The following PCDH9 variants were observed in gnomAD, a reference collection of about 807,000 sequenced individuals.
PCDH9 encodes protocadherin-9.
In PCDH9, 24 loss-of-function variants were observed where a neutral mutation model predicts 70.6. The ratio of observed to expected loss-of-function variants is 0.34; its 90% confidence interval spans 0.25 to 0.48. The LOEUF (loss-of-function observed/expected upper bound fraction) is 0.48. Among genes scored for constraint, PCDH9 ranks in the 20% least tolerant of loss-of-function variants. The probability of loss-of-function intolerance (pLI) is 0.99; values close to 1 mark genes in which losing one functional copy is unlikely to be tolerated. For missense variants in PCDH9, 1,281 were observed against 1,503.6 expected, an observed-to-expected ratio of 0.85 and a Z score of 2.45; for synonymous variants, 562 against 558.5, an observed-to-expected ratio of 1.01 and a Z score of -0.09.
intron 3 of PCDH9, among the ~76,000 whole-genome samples, chr13:66,890,974 T>C (rs76079796): frequency 0.021 from 3,192 of 152,196 alleles, 112 homozygotes; most frequent in African/African-American, 0.073. Flanking sequence ...CAATCCCCAG[T>C]TCCTGGCAAC....
intron 3 of PCDH9, among the ~76,000 whole-genome samples, chr13:66,787,524 G>T (rs1474447164): frequency 6.6e-6 from 1 of 151,912 alleles, no homozygotes; most frequent in African/African-American, 2.4e-5. Context: ...GTTGAGGCAG[G>T]AGAATTGCTT....
chr13:66,849,517 T>TATAGAGAGAG (rs1272589939), intron 3 of PCDH9, among the ~76,000 whole-genome samples: 62 of 63,570 alleles, frequency 9.8e-4, no homozygotes, highest in East Asian at 4.3e-3. Flanking sequence ...TATATATATA[T>TATAGAGAGAG]AGAGAGAGAG....
At chr13:66,722,873 C>T (rs1382140589) in intron 3 of PCDH9, among the ~76,000 whole-genome samples, 1 of 148,922 alleles carries the variant, frequency 6.7e-6, no homozygotes, top group Non-Finnish European at 1.5e-5. Flanking sequence ...GAGGCTGAGG[C>T]AGGAAAATTG....
intron 3 of PCDH9, among the ~76,000 whole-genome samples, chr13:66,789,279 T>C (rs747669617): frequency 1.1e-4 from 16 of 152,204 alleles, no homozygotes; most frequent in Admixed American, 5.9e-4. Context: ...GCCTAGGCTC[T>C]TAACCAGCAC....
At chr13:67,198,911 A>T (rs1019163098) in intron 2 of PCDH9, among the ~76,000 whole-genome samples, 1 of 151,790 alleles carries the variant, frequency 6.6e-6, no homozygotes, top group Non-Finnish European at 1.5e-5. Flanking sequence ...TTAAAGTATA[A>T]TTTTTTAAAA....
chr13:67,215,940 G>C (rs1023590598), intron 2 of PCDH9: 1 of 152,084 alleles, frequency 6.6e-6, no homozygotes, highest in Non-Finnish European at 1.5e-5. Flanking sequence ...CATACTTTAA[G>C]TAGTGGCATA....
intron 2 of PCDH9, among the ~76,000 whole-genome samples, chr13:66,981,151 AAGGT>A (rs1196074436): frequency 2.0e-5 from 3 of 152,210 alleles, no homozygotes; most frequent in African/African-American, 4.8e-5. Context: ...GAAATAGTAA[AAGGT>A]AGGCCGGTCG....
intron 3 of PCDH9, among the ~76,000 whole-genome samples, chr13:66,846,419 T>C (rs1481881255): frequency 5.3e-5 from 8 of 152,162 alleles, no homozygotes; most frequent in African/African-American, 1.9e-4. Context: ...ACTACCAACA[T>C]GTTGACCAGA....
chr13:66,854,170 A>G (rs1332241618), intron 3 of PCDH9, among the ~76,000 whole-genome samples: 1 of 152,120 alleles, frequency 6.6e-6, no homozygotes, highest in Non-Finnish European at 1.5e-5. Flanking sequence ...TTTGAACTTG[A>G]GCAGACATTG....
chr13:66,621,144 G>A (rs958948183), intron 4 of PCDH9, among the ~76,000 whole-genome samples: 3 of 152,156 alleles, frequency 2.0e-5, no homozygotes, highest in African/African-American at 7.2e-5. Context: ...TGATGTTTAT[G>A]ACCATTTGTC....
In PCDH9 at chr13:66,590,953, T is replaced by G. The variant is rs555230508; in HGVS notation, c.3340+40257A>C. Among the ~76,000 whole-genome samples, 49 of 151,684 alleles carry G rather than the reference T, an allele frequency of 3.2e-4. 1 individual carries two copies. The highest frequency in any genetic ancestry group is 1.2e-3 in the African/African-American group (49 of 41,374). ...TCAGTATCCAAATAAACCCAAAACA[T>G]GTGGTTCTGTAAAAATATGATTTTA... On this transcript the variant is annotated intron_variant, in intron 4 of 4. Coordinates refer to ENST00000377865, the MANE Select transcript of PCDH9 (RefSeq NM_203487.3).
chr13:66,566,863 A>T lies in PCDH9; in HGVS notation c.3340+64347T>A, dbSNP rs1466204466. On this transcript the variant is annotated intron_variant, in intron 4 of 4. Coordinates refer to ENST00000377865, the MANE Select transcript of PCDH9 (RefSeq NM_203487.3). ...CATTTAATTATATACCAAGAGTAAA[A>T]GATAGCATTTTAAATGTTAATGGAG... 2.0e-5 allele frequency among the ~76,000 whole-genome samples: 3 copies of T among 152,054 alleles called. No individual in the cohort carries two copies. In the East Asian group the frequency reaches 5.8e-4, roughly 29 times the overall value.
intron 4 of PCDH9, among the ~76,000 whole-genome samples, chr13:66,412,190 T>A (rs2138325661): frequency 6.6e-6 from 1 of 152,304 alleles, no homozygotes; most frequent in South Asian, 2.1e-4. Flanking sequence ...TTTTGAAGAT[T>A]TTGAAGAGTT....
At chr13:66,795,164 GA>G (rs1326391295) in intron 3 of PCDH9, among the ~76,000 whole-genome samples, 1 of 152,104 alleles carries the variant, frequency 6.6e-6, no homozygotes, top group Non-Finnish European at 1.5e-5. Context: ...CTTGGGACCA[GA>G]AGAGTTGTGT....
At chr13:66,836,141 A>C (rs1297990516) in intron 3 of PCDH9, among the ~76,000 whole-genome samples, 1 of 152,150 alleles carries the variant, frequency 6.6e-6, no homozygotes, top group Non-Finnish European at 1.5e-5. Context: ...AGTTGAAATA[A>C]AGTGTATATT....
intron 2 of PCDH9, among the ~76,000 whole-genome samples, chr13:67,115,971 T>G (rs1483580156): frequency 6.6e-6 from 1 of 152,196 alleles, no homozygotes; most frequent in Admixed American, 6.5e-5. Flanking sequence ...GATTGCCCAG[T>G]TTTGAATCCA....
At chr13:67,184,432 A>G (rs1468246289) in intron 2 of PCDH9, among the ~76,000 whole-genome samples, 2 of 152,114 alleles carry the variant, frequency 1.3e-5, no homozygotes, top group Non-Finnish European at 2.9e-5. Context: ...ACAGGTTTCA[A>G]AAACTAAGGG....
chr13:66,950,493 GA>G (rs1363545813), intron 2 of PCDH9, among the ~76,000 whole-genome samples: 1 of 150,496 alleles, frequency 6.6e-6, no homozygotes, highest in East Asian at 1.9e-4. Flanking sequence ...ATATGTGTAT[GA>G]TTTTTTTTTT....
chr13:66,309,136 T>C (rs545063163), intron 4 of PCDH9, among the ~76,000 whole-genome samples: 1 of 152,200 alleles, frequency 6.6e-6, no homozygotes, highest in African/African-American at 2.4e-5. Context: ...GGGAAAAGTT[T>C]AATTTGTTTC....
Sources: allele counts gnomAD v4.1 joint callset (sites outside exome capture counted in the v4.1 genomes callset), GRCh38; gene constraint gnomAD v4.1.1; transcripts MANE v1.5; gene names NCBI Gene and HGNC (gene_info 2026-07-23, HGNC 2026-07-21).